Variants in FRMPD2 observed in about 807,000 individuals in gnomAD.
The protein encoded by FRMPD2 is FERM and PDZ domain containing 2.
Under a neutral mutation model 140.1 loss-of-function variants are expected in FRMPD2, and 96 were observed. The observed-to-expected ratio is 0.69, with a 90% CI of 0.58 to 0.81. The LOEUF (loss-of-function observed/expected upper bound fraction) is 0.81, where lower values mean the gene tolerates loss of function less well. FRMPD2 is among the 40% of genes least tolerant of loss of function. The pLI is 0.00. For missense variants in FRMPD2, 1,240 were observed against 1,447.4 expected, an observed-to-expected ratio of 0.86 and a Z score of 2.32; for synonymous variants, 449 against 547.6, an observed-to-expected ratio of 0.82 and a Z score of 2.52.
At chr10:48,269,804 C>T (rs990308947) in intron 1 of FRMPD2, among the ~76,000 whole-genome samples, 2 of 152,302 alleles carry the variant, frequency 1.3e-5, no homozygotes, top group African/African-American at 4.8e-5. Context: ...ACCCAGGAGA[C>T]CTGCTGTAGC....
intron 12 of FRMPD2, among the ~76,000 whole-genome samples, chr10:48,215,747 T>C (rs953816255): frequency 8.5e-5 from 13 of 152,078 alleles, no homozygotes; most frequent in African/African-American, 2.9e-4. Flanking sequence ...GAGAATGAGA[T>C]GACACTAAGC....
Position 48,192,621 on chromosome 10 carries a change from G to A in FRMPD2, c.2165+63C>T, listed in dbSNP as rs866135780. 40 of 1,377,816 alleles carry A rather than the reference G, an allele frequency of 2.9e-5. No homozygotes were observed. The Middle Eastern group carries it at 8.9e-4, about 31-fold the overall frequency. The allele number at this position is 1,377,816 out of a possible 1,614,324, so 85.3% of individuals were successfully genotyped here. On this transcript the variant is annotated intron_variant, in intron 16 of 28. Transcript: ENST00000374201. Reference sequence around the variant, plus strand: ...AAAAATAAAATAAATCTTCAGTACAGATCACTGCAAACCATCAAGCACATG... The same window carrying A: ...AAAAATAAAATAAATCTTCAGTACAAATCACTGCAAACCATCAAGCACATG...
At chr10:48,200,392 C>A (rs556676066) in intron 15 of FRMPD2, among the ~76,000 whole-genome samples, 27 of 152,268 alleles carry the variant, frequency 1.8e-4, no homozygotes, top group African/African-American at 6.3e-4. Context: ...CCAATCTGAA[C>A]TAAGCAAGTT....
At position 48,200,151 on chromosome 10, in the gene FRMPD2, TATAAATAAATAAATAA is replaced by T. The variant is rs201958134; in HGVS notation, c.1954+1061_1954+1076del. Among the ~76,000 whole-genome samples the T allele has an allele frequency of 3.9e-3, 530 of 135,560 alleles. 1 individual carries two copies. The highest frequency in any genetic ancestry group is 0.011 in the African/African-American group (426 of 38,778). The allele number at this position is 135,560 out of a possible 152,430, so 88.9% of individuals were successfully genotyped here. ...TAAATAAAAACTAAAAGCTAAAAAATATAAATAAATAAATAAATAAATAAATAAATAAATAAATAAA... is the reference window on the plus strand; with the variant it reads ...TAAATAAAAACTAAAAGCTAAAAAATATAAATAAATAAATAAATAAATAAA... On this transcript the variant is annotated intron_variant, in intron 15 of 28. Transcript: ENST00000374201.
At chr10:48,254,339 C>T (rs532078949) in intron 1 of FRMPD2, among the ~76,000 whole-genome samples, 7 of 152,190 alleles carry the variant, frequency 4.6e-5, no homozygotes, top group African/African-American at 1.7e-4. Flanking sequence ...AGATTTGTAT[C>T]GCTGCTAGGC....
intron 1 of FRMPD2, among the ~76,000 whole-genome samples, chr10:48,258,006 G>A (rs1840518969): frequency 1.3e-5 from 2 of 152,332 alleles, no homozygotes; most frequent in South Asian, 4.1e-4. Flanking sequence ...TTAGCAAAAT[G>A]CCTCAAATAT....
At position 48,184,728 on chromosome 10, in the gene FRMPD2, G is replaced by C. The variant is rs1420929720; in HGVS notation, c.2467+46C>G. 12 of 1,594,734 alleles carry C rather than the reference G, an allele frequency of 7.5e-6. No individual in the cohort carries two copies. In the South Asian group the frequency reaches 1.0e-4, roughly 13 times the overall value. ...AATAATCCTTCAAGGAAATAAAAAA[G>C]AGTGGTTTCTTAAAACAGCATCTCT... is the stretch of plus-strand genomic sequence containing the variant. On this transcript the variant is annotated intron_variant, in intron 19 of 28. Transcript: ENST00000374201.
At chr10:48,237,892 C>A in intron 8 of FRMPD2, 99 bp downstream of exon 8, 3 of 1,412,858 alleles carry the variant, frequency 2.1e-6, no homozygotes, top group Non-Finnish European at 2.0e-6. Context: ...GGAAGTTGTC[C>A]CCTAGAAGAC....
intron 15 of FRMPD2, among the ~76,000 whole-genome samples, chr10:48,201,027 A>T (rs964771970): frequency 3.3e-5 from 5 of 152,228 alleles, no homozygotes; most frequent in Admixed American, 2.0e-4. Flanking sequence ...ATATCAATTT[A>T]TCCTCCCAGT....
intron 4 of FRMPD2, among the ~76,000 whole-genome samples, chr10:48,244,397 C>A (rs1840197110): frequency 6.6e-6 from 1 of 152,146 alleles, no homozygotes; most frequent in Non-Finnish European, 1.5e-5. Flanking sequence ...ATCTATTGAG[C>A]CCAGAAGCCT....
intron 2 of FRMPD2, among the ~76,000 whole-genome samples, chr10:48,249,992 G>A (rs571385104): frequency 4.6e-5 from 7 of 152,250 alleles, no homozygotes; most frequent in South Asian, 4.1e-4. Flanking sequence ...CCTGGAGGTT[G>A]GGCTCTGTAC....
intron 26 of FRMPD2, among the ~76,000 whole-genome samples, chr10:48,170,745 G>T (rs1838220202): frequency 6.6e-6 from 1 of 151,392 alleles, no homozygotes; most frequent in Non-Finnish European, 1.5e-5. Flanking sequence ...ACAAAGGCCA[G>T]GGCTTTATCT....
intron 14 of FRMPD2, among the ~76,000 whole-genome samples, chr10:48,206,264 C>T (rs1289259771): frequency 6.6e-6 from 1 of 152,124 alleles, no homozygotes; most frequent in East Asian, 1.9e-4. Flanking sequence ...CTCAGTGTCC[C>T]GTAGCACACC....
intron 1 of FRMPD2, 44 bp from the exon 2 acceptor site, chr10:48,251,735 G>A (rs555091469): frequency 1.2e-6 from 2 of 1,609,622 alleles, no homozygotes. Context: ...GCAATGTCCA[G>A]GAACATGTCC....
intron 28 of FRMPD2, among the ~76,000 whole-genome samples, chr10:48,161,905 G>A (rs1228916172): frequency 1.0e-4 from 15 of 150,270 alleles, no homozygotes; most frequent in Admixed American, 7.9e-4. Flanking sequence ...AAGGCACTTG[G>A]CAAGTCAAAT....
At chr10:48,181,858 CATAT>C (rs35165586) in intron 20 of FRMPD2, among the ~76,000 whole-genome samples, 4 of 79,768 alleles carry the variant, frequency 5.0e-5, no homozygotes, top group Admixed American at 1.2e-4. Context: ...TATATTCCCT[CATAT>C]ATATATATAT....
intron 1 of FRMPD2, among the ~76,000 whole-genome samples, chr10:48,263,056 C>A (rs1840622008): frequency 6.6e-6 from 1 of 151,902 alleles, no homozygotes; most frequent in Non-Finnish European, 1.5e-5. Flanking sequence ...CAACACACTT[C>A]TAAACAGCAA....
Position 48,240,464 on chromosome 10 carries a change from G to C in FRMPD2, c.596C>G (p.Ser199Cys). 7.4e-6 allele frequency: 12 copies of C among 1,613,806 alleles called. No homozygotes were observed. Among genetic ancestry groups the C allele is most frequent in the Non-Finnish European group, 1.0e-5 (12 of 1,180,036 alleles). ...GTAGCTTCTGTTCTGCTGCACAGAGGAGCTTTCCTCCACAACTCTTTTCTC... is the reference window on the plus strand; with the variant it reads ...GTAGCTTCTGTTCTGCTGCACAGAGCAGCTTTCCTCCACAACTCTTTTCTC... ...EVEKRVVEES[S>C]SVQQNRSYLL... The change falls in exon 6 of 29, where the codon TCC (serine) becomes TGC (cysteine). Residue 199 changes from serine to cysteine, a missense_variant. Transcript: ENST00000374201.
At chr10:48,158,945 G>T in intron 28 of FRMPD2, 1 of 338,132 alleles carries the variant, frequency 3.0e-6, no homozygotes, top group African/African-American at 2.3e-5. Flanking sequence ...AACTTTTCTG[G>T]ACAGCTGTCC....
Sources: gnomAD v4.1 joint callset for allele counts (sites outside exome capture counted in the v4.1 genomes callset) on GRCh38, gnomAD v4.1.1 for gene constraint, MANE v1.5 for transcripts, NCBI Gene and HGNC (gene_info 2026-07-23, HGNC 2026-07-21) for gene names.